Variants in GASK1B observed in about 807,000 individuals in gnomAD.
GASK1B encodes Golgi-associated kinase 1B.
GASK1B carries 34 observed loss-of-function variants against 42.8 expected under a neutral mutation model. That is an observed-to-expected ratio of 0.79 (90% CI 0.60 to 1.06). GASK1B has a LOEUF of 1.06. GASK1B is among the 50% of genes least tolerant of loss of function. GASK1B has a pLI of 0.00. For synonymous variants in GASK1B, 262 were observed against 259.1 expected (o/e 1.01, Z -0.11); for missense variants, 686 against 661.0 (o/e 1.04, Z -0.42).
At chr4:158,139,385 A>G (rs1414527058) in intron 3 of GASK1B, among the ~76,000 whole-genome samples, 1 of 152,234 alleles carries the variant, frequency 6.6e-6, no homozygotes, top group Non-Finnish European at 1.5e-5. Context: ...GCAGATAGCT[A>G]TCTACTAAAA....
chr4:158,163,800 A>G (rs1451955903), intron 2 of GASK1B, among the ~76,000 whole-genome samples: 1 of 152,184 alleles, frequency 6.6e-6, no homozygotes, highest in Non-Finnish European at 1.5e-5. Flanking sequence ...CAAGGAGTCT[A>G]CATTGCCCGT....
rs1264805945 is a variant in GASK1B, at chr4:158,170,947, C to T, written c.429G>A (p.Glu143=). 3.1e-6 allele frequency: 5 copies of T among 1,614,254 alleles called. No individual in the cohort carries two copies. In the South Asian group the frequency reaches 5.5e-5, roughly 18 times the overall value. The change falls in exon 2 of 5, where the codon GAG becomes GAA. Residue 143 remains glutamate (E), a synonymous_variant. Coordinates refer to ENST00000585682, the MANE Select transcript of GASK1B (RefSeq NM_001128424.2). ...HAVASAAPGQ[E]ALVGPSLQPQ... ...GCTGAAGGGATGGTCCGACCAAAGC[C>T]TCCTGCCCTGGGGCAGCCGATGCCA...
At chr4:158,132,712 C>T (rs763600921) in intron 3 of GASK1B, among the ~76,000 whole-genome samples, 7 of 152,076 alleles carry the variant, frequency 4.6e-5, no homozygotes, top group African/African-American at 1.2e-4. Flanking sequence ...GTGTGGCAAG[C>T]GAGCGACCAA....
intron 2 of GASK1B, chr4:158,169,202 T>C (rs1732354217): frequency 6.6e-6 from 1 of 152,192 alleles, no homozygotes; most frequent in Non-Finnish European, 1.5e-5. Flanking sequence ...CCTTAGCAAA[T>C]TGTGGGCACC....
intron 3 of GASK1B, 33 bp from the exon 4 acceptor site, chr4:158,131,045 G>T: frequency 6.4e-7 from 1 of 1,563,730 alleles, no homozygotes; most frequent in Non-Finnish European, 8.8e-7. Flanking sequence ...CCAAGATGCT[G>T]AGTGAAAACA....
intron 3 of GASK1B, among the ~76,000 whole-genome samples, chr4:158,133,479 C>G (rs976112738): frequency 6.6e-6 from 1 of 152,096 alleles, no homozygotes; most frequent in Non-Finnish European, 1.5e-5. Flanking sequence ...AGATACATAA[C>G]TACATTTGTA....
chr4:158,146,147 T>C (rs1286963410), intron 3 of GASK1B, among the ~76,000 whole-genome samples: 1 of 9,920 alleles, frequency 1.0e-4, no homozygotes, highest in African/African-American at 1.4e-4. Context: ...AACTAGTTGT[T>C]TTTTTTTTTC....
At chr4:158,132,832 C>G (rs984215453) in intron 3 of GASK1B, among the ~76,000 whole-genome samples, 2 of 152,158 alleles carry the variant, frequency 1.3e-5, no homozygotes, top group Admixed American at 1.3e-4. Context: ...ATAAGTCTAA[C>G]CCATAGTTCA....
At chr4:158,156,982 C>T (rs1331789381) in intron 2 of GASK1B, among the ~76,000 whole-genome samples, 1 of 151,958 alleles carries the variant, frequency 6.6e-6, no homozygotes, top group Non-Finnish European at 1.5e-5. Context: ...AACTTTATGG[C>T]CTATTAGAAA....
chr4:158,131,528 G>A lies in GASK1B; in HGVS notation c.1126-516C>T, dbSNP rs78174454. 1.2e-4 allele frequency among the ~76,000 whole-genome samples: 18 copies of A among 152,250 alleles called. 1 individual carries two copies. The East Asian group carries it at 3.5e-3, about 29-fold the overall frequency. On this transcript the variant is annotated intron_variant, in intron 3 of 4. Coordinates refer to ENST00000585682, the MANE Select transcript of GASK1B (RefSeq NM_001128424.2). Reference sequence around the variant, plus strand: ...GAAGAAATCTATTGAAAAGATGTGAGACCAAATCATAAAACCTAAAAGCAC... The same window carrying A: ...GAAGAAATCTATTGAAAAGATGTGAAACCAAATCATAAAACCTAAAAGCAC...
intron 2 of GASK1B, among the ~76,000 whole-genome samples, chr4:158,166,474 T>C (rs1732234510): frequency 6.6e-6 from 1 of 152,210 alleles, no homozygotes; most frequent in East Asian, 1.9e-4. Context: ...ATCACAGCAT[T>C]TGATTCCTTC....
rs927694964 is a variant in GASK1B, at chr4:158,126,374, T to A, written c.*1033A>T. 6.6e-6 allele frequency: 1 copy of A among 152,170 alleles called. No individual in the cohort carries two copies. The highest frequency in any genetic ancestry group is 2.4e-5 in the African/African-American group (1 of 41,460). 9.4% of individuals were successfully genotyped at this position (152,170 alleles called of 1,614,324 possible). On this transcript the variant is annotated 3_prime_UTR_variant, in exon 5 of 5. Transcript: ENST00000585682. ...GAGGAAAATTGATCAGACGCAGGTT[T>A]TAACTTATTTTGCTCATATTACTCA...
intron 2 of GASK1B, chr4:158,170,104 C>G (rs1005760617): frequency 1.2e-6 from 1 of 828,546 alleles, no homozygotes; most frequent in Non-Finnish European, 1.9e-6. Context: ...AATAGTATGC[C>G]TGACTGTCAG....
intron 2 of GASK1B, chr4:158,170,211 G>A (rs1732414471): frequency 1.2e-6 from 2 of 1,605,528 alleles, no homozygotes; most frequent in Non-Finnish European, 1.7e-6. Context: ...TGAAGCGAGG[G>A]AAATGGAGAG....
Position 158,170,562 on chromosome 4 carries a change from A to G in GASK1B, c.814T>C (p.Leu272=), listed in dbSNP as rs745956056. Reference sequence around the variant, plus strand: ...AAGGCAAACACCTCACTCATGTCCAAGGGCTGCTTGAGAAGCCCACAGGGG... The same window carrying G: ...AAGGCAAACACCTCACTCATGTCCAGGGGCTGCTTGAGAAGCCCACAGGGG... ...PSPCGLLKQP[L]DMSEVFAFHL... Residue 272 remains leucine, a synonymous_variant, in exon 2 of 5, where the codon TTG becomes CTG. Coordinates refer to ENST00000585682, the MANE Select transcript of GASK1B (RefSeq NM_001128424.2). The G allele has an allele frequency of 1.6e-5, 26 of 1,614,084 alleles. No individual in the cohort carries two copies. Among genetic ancestry groups the G allele is most frequent in the African/African-American group, 5.3e-5 (4 of 74,948 alleles).
intron 2 of GASK1B, among the ~76,000 whole-genome samples, chr4:158,157,998 T>C (rs1731821282): frequency 6.6e-6 from 1 of 152,154 alleles, no homozygotes; most frequent in Admixed American, 6.6e-5. Context: ...TATCCCTTTC[T>C]TTCTCATCTG....
intron 3 of GASK1B, among the ~76,000 whole-genome samples, chr4:158,141,944 T>C (rs1225805515): frequency 8.7e-5 from 1 of 11,440 alleles, no homozygotes; most frequent in Non-Finnish European, 2.6e-4. Flanking sequence ...TTTTTTTTTT[T>C]TTTTTTTTTT....
chr4:158,147,026 G>C (rs539583057), intron 3 of GASK1B, among the ~76,000 whole-genome samples: 1 of 152,282 alleles, frequency 6.6e-6, no homozygotes, highest in African/African-American at 2.4e-5. Context: ...ACTGGGTTCT[G>C]TATTCCCTTG....
rs983828623 is a variant in GASK1B at position 158,163,296 on chromosome 4, C to A, written c.910+7170G>T. ...GTAGCACTCAAGAGTGTTAGCTGGG[C>A]ACAGTGGCTCACGCCTGTAATCCCA... On this transcript the variant is annotated intron_variant, in intron 2 of 4. Transcript: ENST00000585682. Among the ~76,000 whole-genome samples, 24 of 152,212 alleles carry A rather than the reference C, an allele frequency of 1.6e-4. 1 individual carries two copies. The highest frequency in any genetic ancestry group is 5.8e-4 in the African/African-American group (24 of 41,456).
Sources: allele counts gnomAD v4.1 joint callset (sites outside exome capture counted in the v4.1 genomes callset), GRCh38; gene constraint gnomAD v4.1.1; transcripts MANE v1.5; gene names NCBI Gene and HGNC (gene_info 2026-07-23, HGNC 2026-07-21).